Variants in NCAPD2 observed in about 807,000 individuals in gnomAD.
NCAPD2 encodes condensin complex subunit 1.
NCAPD2 carries 100 observed loss-of-function variants against 164.5 expected under a neutral mutation model. That is an observed-to-expected ratio of 0.61 (90% CI 0.52 to 0.72). NCAPD2 has a LOEUF of 0.72. Among genes scored for constraint, NCAPD2 ranks in the 30% least tolerant of loss-of-function variants. NCAPD2 has a pLI of 0.00. For synonymous variants in NCAPD2, 585 were observed against 642.6 expected (o/e 0.91, Z 1.36); for missense variants, 1,560 against 1,749.2 (o/e 0.89, Z 1.93).
chr12:6,528,225 T>C lies in NCAPD2; in HGVS notation c.3196T>C (p.Ser1066Pro). The change falls in exon 25 of 32, where the codon TCT (serine) becomes CCT (proline). Residue 1066 changes from serine (S) to proline (P), a missense_variant. Physicochemically the swap from Ser to Pro is moderately conservative, Grantham distance 74. Transcript: ENST00000315579. This position sits in a 1 kb window ranked among gnomAD's most constrained non-coding sequence, Gnocchi z 5.1. ...LRLLFTMLEK[S>P]PLPIVRSNLM... ...TCTTCTGTTCACCATGCTGGAAAAGTCTCCACTTCCCATTGTCCGGTCTAA... is the reference window on the plus strand; with the variant it reads ...TCTTCTGTTCACCATGCTGGAAAAGCCTCCACTTCCCATTGTCCGGTCTAA... The C allele has an allele frequency of 6.2e-7, 1 of 1,614,104 alleles. No homozygotes were observed.
intron 4 of NCAPD2, 122 bp from the exon 5 acceptor site, chr12:6,510,507 T>C (rs1245164739): frequency 2.6e-6 from 3 of 1,152,464 alleles, no homozygotes. Context: ...GCTTGTGTTA[T>C]GGCCACTGAG....
chr12:6,523,132 G>T, intron 16 of NCAPD2, 130 bp downstream of exon 16: 1 of 1,434,748 alleles, frequency 7.0e-7, no homozygotes, highest in Non-Finnish European at 9.7e-7. Flanking sequence ...CATCATAGTG[G>T]GGCTTAGGGT....
intron 28 of NCAPD2, 74 bp downstream of exon 28, chr12:6,529,667 T>A: frequency 1.9e-6 from 3 of 1,602,850 alleles, no homozygotes; most frequent in Non-Finnish European, 1.7e-6. Flanking sequence ...CCCTCACCCC[T>A]TCAATGCCCC....
Position 6,531,166 on chromosome 12 carries a change from G to A in NCAPD2, c.4120+90G>A, listed in dbSNP as rs1946369580. On this transcript the variant is annotated intron_variant, in intron 31 of 31. Coordinates refer to ENST00000315579, the MANE Select transcript of NCAPD2 (RefSeq NM_014865.4). The surrounding 1 kb of genome is among the most constrained non-coding windows in gnomAD (Gnocchi z 4.1). ...CATAGGACCTGCTGCGGGGGCCTGA[G>A]TGTAGATGCTCTGCCCCACTGCCGC... The A allele has an allele frequency of 4.5e-6, 7 of 1,550,440 alleles. No individual in the cohort carries two copies. The South Asian group carries it at 8.1e-5, about 18-fold the overall frequency.
At position 6,517,358 on chromosome 12, in the gene NCAPD2, T is replaced by C. The variant is rs748603740; in HGVS notation, c.1186-7T>C. The C allele has an allele frequency of 1.2e-6, 2 of 1,613,658 alleles. No homozygotes were observed. The highest frequency in any genetic ancestry group is 3.3e-5 in the Admixed American group (2 of 59,964). On this transcript the variant is annotated splice_region_variant and splice_polypyrimidine_tract_variant and intron_variant, in intron 10 of 31. Coordinates refer to ENST00000315579, the MANE Select transcript of NCAPD2 (RefSeq NM_014865.4). The stretch of plus-strand genomic sequence containing the variant: ...TGAGCAGATTCTTCTCTTCCTACCC[T>C]ACACAGGCTCTCCCCCTGACACGTT...
intron 9 of NCAPD2, among the ~76,000 whole-genome samples, chr12:6,516,113 T>G (rs1182459320): frequency 1.3e-5 from 2 of 151,290 alleles, no homozygotes; most frequent in Non-Finnish European, 1.5e-5. Flanking sequence ...GGAGGGTTGC[T>G]TGAACCTGGG....
In NCAPD2 at chr12:6,526,928, G is replaced by T; in HGVS notation, c.2772G>T (p.Met924Ile). ...CAATGCTCCCCACTTTCCTGTTGAT[G>T]AACCTGCTGTCCCTGGCTGGGGATG... is the stretch of plus-strand genomic sequence containing the variant. The part of the protein sequence containing the change: ...SPAMLPTFLL[M>I]NLLSLAGDVA... The change falls in exon 22 of 32, where the codon ATG becomes ATT. Residue 924 changes from methionine (M) to isoleucine (I), a missense_variant. Transcript: ENST00000315579. 6.2e-7 allele frequency: 1 copy of T among 1,614,018 alleles called. No homozygotes were observed. Among genetic ancestry groups the T allele is most frequent in the Non-Finnish European group, 8.5e-7 (1 of 1,179,962 alleles).
At chr12:6,519,669 T>C (rs1946246610) in intron 13 of NCAPD2, among the ~76,000 whole-genome samples, 1 of 152,104 alleles carries the variant, frequency 6.6e-6, no homozygotes, top group Non-Finnish European at 1.5e-5. Flanking sequence ...TGATCTACCA[T>C]CTTGTTTTTT....
chr12:6,510,530 G>T (rs573165298), intron 4 of NCAPD2, 99 bp from the exon 5 acceptor site: 4 of 1,377,716 alleles, frequency 2.9e-6, no homozygotes, highest in Non-Finnish European at 4.1e-6. Flanking sequence ...ATGAAACACA[G>T]ATCTTTGGTA....
At position 6,523,399 on chromosome 12, in the gene NCAPD2, T is replaced by TTTTG. The variant is rs1946286092; in HGVS notation, c.2214+56_2214+57insGTTT. ...ATTCATTCAACAAGTATTTTGGTTG[T>TTTTG]TTTTTTTTTTTTTTTTGAGACGGAG... On this transcript the variant is annotated intron_variant, in intron 17 of 31. Transcript: ENST00000315579. The TTTTG allele has an allele frequency of 6.2e-6, 5 of 800,470 alleles. No individual in the cohort carries two copies. The Admixed American group carries it at 1.2e-4, about 19-fold the overall frequency. 49.6% of individuals were successfully genotyped at this position (800,470 alleles called of 1,614,324 possible).
rs1946338985 is a variant in NCAPD2 at position 6,528,549 on chromosome 12, T to C, written c.3300-130T>C. On this transcript the variant is annotated intron_variant, in intron 25 of 31. Coordinates refer to ENST00000315579, the MANE Select transcript of NCAPD2 (RefSeq NM_014865.4). The surrounding 1 kb of genome is among the most constrained non-coding windows in gnomAD (Gnocchi z 5.1). ...TTTCCCCCACTCCAGCTTTCAACTC[T>C]AGACAGCTTTCTGACTGCTTCTGGA... 8.1e-7 allele frequency: 1 copy of C among 1,235,626 alleles called. No individual in the cohort carries two copies. The highest frequency in any genetic ancestry group is 1.5e-5 in the African/African-American group (1 of 66,254). The allele number at this position is 1,235,626 out of a possible 1,614,324, so 76.5% of individuals were successfully genotyped here.
chr12:6,514,446 T>C lies in NCAPD2; in HGVS notation c.716-18T>C. The C allele has an allele frequency of 1.2e-6, 2 of 1,614,198 alleles. No individual in the cohort carries two copies. The highest frequency in any genetic ancestry group is 1.7e-6 in the Non-Finnish European group (2 of 1,180,038). On this transcript the variant is annotated intron_variant, in intron 7 of 31. Transcript: ENST00000315579. ...TTTTTGTATTGCCCATAATTTCTCATGTTTAATGCTTCCACAGGTGCTACA... is the reference window on the plus strand; with the variant it reads ...TTTTTGTATTGCCCATAATTTCTCACGTTTAATGCTTCCACAGGTGCTACA...
At chr12:6,501,516 G>T (rs1392339828) in intron 2 of NCAPD2, among the ~76,000 whole-genome samples, 1 of 152,166 alleles carries the variant, frequency 6.6e-6, no homozygotes, top group Non-Finnish European at 1.5e-5. Context: ...TGAGCAACTA[G>T]AAGAATGAAG....
Position 6,528,640 on chromosome 12 carries a change from G to A in NCAPD2, c.3300-39G>A, listed in dbSNP as rs201548073. On this transcript the variant is annotated intron_variant, in intron 25 of 31. Transcript: ENST00000315579. The surrounding 1 kb of genome is among the most constrained non-coding windows in gnomAD (Gnocchi z 5.1). ...TTCTACCAGTGTTAGGGTGTAGCCC[G>A]GAGGTCTCGGTCCCCATGACCCGCA... is the stretch of plus-strand genomic sequence containing the variant. The A allele has an allele frequency of 8.1e-5, 129 of 1,591,286 alleles. No individual in the cohort carries two copies. Among genetic ancestry groups the A allele is most frequent in the Admixed American group, 6.0e-4 (36 of 59,642 alleles).
intron 6 of NCAPD2, among the ~76,000 whole-genome samples, chr12:6,511,820 A>T (rs944665015): frequency 1.3e-5 from 2 of 151,244 alleles, no homozygotes; most frequent in Non-Finnish European, 2.9e-5. Flanking sequence ...TGTCTCTACT[A>T]AAAAAATATG....
At chr12:6,527,288 A>C (rs1213150755) in intron 22 of NCAPD2, among the ~76,000 whole-genome samples, 1 of 152,120 alleles carries the variant, frequency 6.6e-6, no homozygotes, top group Admixed American at 6.5e-5. Context: ...GGAGTTAGAG[A>C]CCTCAGCATA....
At chr12:6,530,036 G>A (rs1946357143) in intron 29 of NCAPD2, 78 bp downstream of exon 29, 2 of 1,483,636 alleles carry the variant, frequency 1.3e-6, no homozygotes, top group Admixed American at 2.0e-5. Flanking sequence ...GCAGCATACG[G>A]CTCTTGCAGT....
intron 2 of NCAPD2, among the ~76,000 whole-genome samples, chr12:6,502,175 T>C (rs1946044432): frequency 6.6e-6 from 1 of 151,948 alleles, no homozygotes; most frequent in Non-Finnish European, 1.5e-5. Flanking sequence ...GGGGAGGAGA[T>C]GGCTTTATCA....
chr12:6,527,632 T>G, intron 22 of NCAPD2, 145 bp from the exon 23 acceptor site: 1 of 757,170 alleles, frequency 1.3e-6, no homozygotes, highest in East Asian at 2.5e-5. Context: ...CAGGAATCCT[T>G]TCTCTTTACA....
Sources: gnomAD v4.1 joint callset for allele counts (sites outside exome capture counted in the v4.1 genomes callset) on GRCh38, gnomAD v4.1.1 for gene constraint, Gnocchi (gnomAD v3.1) non-coding constraint, MANE v1.5 for transcripts, NCBI Gene and HGNC (gene_info 2026-07-23, HGNC 2026-07-21) for gene names.